Variants in MGA observed in about 807,000 individuals in gnomAD.
MGA encodes MAX dimerization protein MGA.
Under a neutral mutation model 261.1 loss-of-function variants are expected in MGA, and 40 were observed. The ratio of observed to expected loss-of-function variants is 0.15; its 90% confidence interval spans 0.12 to 0.20. The LOEUF is 0.20. Among genes scored for constraint, MGA ranks in the 10% least tolerant of loss-of-function variants. The probability of loss-of-function intolerance (pLI) is 1.00; values close to 1 mark genes in which losing one functional copy is unlikely to be tolerated. For missense variants in MGA, 3,397 were observed against 3,630.5 expected (o/e 0.94, Z 1.65); for synonymous variants, 1,302 against 1,290.6 (o/e 1.01, Z -0.19).
At chr15:41,688,048 AT>A (rs1156929983) in intron 2 of MGA, among the ~76,000 whole-genome samples, 1 of 152,162 alleles carries the variant, frequency 6.6e-6, no homozygotes, top group East Asian at 1.9e-4. Flanking sequence ...TGAACTCAAA[AT>A]TTTAATTATG....
intron 23 of MGA, 71 bp downstream of exon 23, chr15:41,765,133 G>A: frequency 6.6e-7 from 1 of 1,513,128 alleles, no homozygotes; most frequent in Non-Finnish European, 9.2e-7. Context: ...GACCAAGGAA[G>A]GCTTTGGATG....
intron 13 of MGA, among the ~76,000 whole-genome samples, chr15:41,738,587 T>A (rs968534181): frequency 1.3e-5 from 2 of 152,180 alleles, no homozygotes; most frequent in East Asian, 3.8e-4. Flanking sequence ...CAATTTCTAG[T>A]GAGACTAGAC....
At chr15:41,682,283 G>A (rs572313036) in intron 2 of MGA, among the ~76,000 whole-genome samples, 2 of 152,030 alleles carry the variant, frequency 1.3e-5, no homozygotes, top group South Asian at 4.2e-4. Flanking sequence ...GTACATATAT[G>A]TGCATACACA....
rs1567076355 is a variant in MGA at position 41,748,678 on chromosome 15, C to G, written c.5254C>G (p.Pro1752Ala). The change falls in exon 16 of 24, where the codon CCT becomes GCT. Residue 1752 changes from proline (P) to alanine (A), a missense_variant. Around this residue, in one of 9 missense-constraint regions of MGA, gnomAD observed 1,410 missense variants for 1,386.4 expected, o/e 1.02. Transcript: ENST00000219905. ...TCCAGTGGCTACTCCACAGGTCTCT[C>G]CTAACACAGTGAAACGTGCTGGACC... 6.2e-7 allele frequency: 1 copy of G among 1,613,944 alleles called. No individual in the cohort carries two copies. The highest frequency in any genetic ancestry group is 2.2e-5 in the East Asian group (1 of 44,884).
At chr15:41,658,762 G>A (rs570499269), upstream of MGA, among the ~76,000 whole-genome samples, 3 of 151,000 alleles carry the variant, frequency 2.0e-5, no homozygotes, top group South Asian at 6.3e-4. Flanking sequence ...TTTGCCTGGT[G>A]TAGGGAAGGA....
chr15:41,722,122 ATTTTTTTTT>A (rs35690314), intron 9 of MGA, among the ~76,000 whole-genome samples: 4 of 87,738 alleles, frequency 4.6e-5, no homozygotes, highest in African/African-American at 1.9e-4. Flanking sequence ...AAGTAGGCCA[ATTTTTTTTT>A]TTTTTTTTTT....
intron 1 of MGA, among the ~76,000 whole-genome samples, chr15:41,621,849 C>T (rs1230055408): frequency 6.6e-6 from 1 of 152,172 alleles, no homozygotes; most frequent in Non-Finnish European, 1.5e-5. Context: ...CCTGAGCGGT[C>T]TTTCGAAGCG....
rs377676776 is a variant in MGA, at chr15:41,732,399, C to G, written c.3844-2123C>G. 1.7e-4 allele frequency among the ~76,000 whole-genome samples: 26 copies of G among 152,338 alleles called. No individual in the cohort carries two copies. In the South Asian group the frequency reaches 4.3e-3, roughly 25 times the overall value. On this transcript the variant is annotated intron_variant, in intron 11 of 23. Transcript: ENST00000219905. ...TCCTGACGTCGTGATCCGCGCACCT[C>G]AGCCTCCCAAAGTGCTGGGATTACC...
intron 1 of MGA, among the ~76,000 whole-genome samples, chr15:41,653,517 C>T (rs938400659): frequency 6.6e-6 from 1 of 151,670 alleles, no homozygotes; most frequent in African/African-American, 2.4e-5. Flanking sequence ...TATTTAAAAT[C>T]CAACCTAGCA....
chr15:41,696,061 C>T lies in MGA; in HGVS notation c.1065-14C>T. On this transcript the variant is annotated splice_polypyrimidine_tract_variant and intron_variant, in intron 2 of 23. Transcript: ENST00000219905. ...TTTGTACTTTTAAAATCCCTTTCTCCTCTCTCTCTCCAGTCTTATTGCCAG... is the reference window on the plus strand; with the variant it reads ...TTTGTACTTTTAAAATCCCTTTCTCTTCTCTCTCTCCAGTCTTATTGCCAG... The T allele has an allele frequency of 6.6e-7, 1 of 1,522,448 alleles. No individual in the cohort carries two copies. The highest frequency in any genetic ancestry group is 8.9e-7 in the Non-Finnish European group (1 of 1,120,534). The allele number at this position is 1,522,448 out of a possible 1,614,324, so 94.3% of individuals were successfully genotyped here.
intron 9 of MGA, among the ~76,000 whole-genome samples, chr15:41,719,451 A>G (rs995503655): frequency 3.9e-5 from 6 of 152,168 alleles, no homozygotes; most frequent in African/African-American, 1.4e-4. Context: ...TTGATAAAGA[A>G]TGTACCTGGC....
intron 1 of MGA, among the ~76,000 whole-genome samples, chr15:41,633,506 T>A (rs910268542): frequency 6.6e-6 from 1 of 151,932 alleles, no homozygotes; most frequent in Admixed American, 6.6e-5. Context: ...GTAACTGTGA[T>A]GTTACAGAAA....
Position 41,766,602 on chromosome 15 carries a change from C to T in MGA, c.8520C>T (p.Asp2840=). 1.9e-6 allele frequency: 3 copies of T among 1,613,974 alleles called. No individual in the cohort carries two copies. Among genetic ancestry groups the T allele is most frequent in the East Asian group, 2.2e-5 (1 of 44,878 alleles). ...TTCTTAATCAACAACTAAATGATGACTCTGTTGGCCTGGCTGAACTACCCA... is the reference window on the plus strand; with the variant it reads ...TTCTTAATCAACAACTAAATGATGATTCTGTTGGCCTGGCTGAACTACCCA... Residue 2840 remains aspartate, a synonymous_variant, in exon 24 of 24, where the codon GAC becomes GAT. Transcript: ENST00000219905.
In MGA at chr15:41,761,798, T is replaced by C. The variant is rs1387009843; in HGVS notation, c.7458T>C (p.Asn2486=). Residue 2486 remains asparagine, a synonymous_variant, in exon 21 of 24, where the codon AAT becomes AAC. Transcript: ENST00000219905. ...CAGACAAATTGATAGGACAGAAAAA[T>C]CTCCTGACTCGAAAACGGAATATTC... 1.3e-6 allele frequency: 2 copies of C among 1,599,246 alleles called. No individual in the cohort carries two copies. The highest frequency in any genetic ancestry group is 3.4e-5 in the Admixed American group (2 of 58,048).
At chr15:41,671,471 GT>G (rs2058056909) in intron 2 of MGA, among the ~76,000 whole-genome samples, 1 of 152,010 alleles carries the variant, frequency 6.6e-6, no homozygotes, top group Non-Finnish European at 1.5e-5. Context: ...TTGCAGGTGT[GT>G]GCCACCATGC....
chr15:41,673,375 G>C (rs560076079), intron 2 of MGA, among the ~76,000 whole-genome samples: 1 of 151,720 alleles, frequency 6.6e-6, no homozygotes, highest in African/African-American at 2.4e-5. Flanking sequence ...ATGCCACCAT[G>C]CCTGGCTAAT....
chr15:41,700,861 ATAAG>A (rs1566998373), intron 5 of MGA, among the ~76,000 whole-genome samples: 1 of 152,216 alleles, frequency 6.6e-6, no homozygotes, highest in African/African-American at 2.4e-5. Flanking sequence ...TATTTACACT[ATAAG>A]TAGTTCATTT....
intron 2 of MGA, among the ~76,000 whole-genome samples, chr15:41,683,279 C>T (rs1204531311): frequency 1.3e-5 from 2 of 152,068 alleles, no homozygotes; most frequent in Admixed American, 6.6e-5. Flanking sequence ...AGTGCTGGGA[C>T]ACAATCCATG....
chr15:41,706,352 G>A (rs2060112659), intron 5 of MGA, among the ~76,000 whole-genome samples: 1 of 148,588 alleles, frequency 6.7e-6, no homozygotes, highest in African/African-American at 2.5e-5. Flanking sequence ...AAGAGATGTG[G>A]TCTTCCCACC....
Sources: gnomAD v4.1 joint callset for allele counts (sites outside exome capture counted in the v4.1 genomes callset) on GRCh38, gnomAD v4.1.1 for gene constraint, gnomAD v4.1.1 regional missense constraint, MANE v1.5 for transcripts, NCBI Gene and HGNC (gene_info 2026-07-23, HGNC 2026-07-21) for gene names.